FTO: variants seen among roughly 807,000 people sequenced by gnomAD.
FTO encodes the protein FTO alpha-ketoglutarate dependent dioxygenase.
FTO carries 47 observed loss-of-function variants against 63.9 expected under a neutral mutation model. That is an observed-to-expected ratio of 0.74 (90% CI 0.58 to 0.94). The LOEUF (loss-of-function observed/expected upper bound fraction) is 0.94. Among genes scored for constraint, FTO ranks in the 40% least tolerant of loss-of-function variants. FTO has a pLI of 0.00. For missense variants in FTO, 562 were observed against 618.1 expected (o/e 0.91, Z 0.96); for synonymous variants, 207 against 224.4 (o/e 0.92, Z 0.69).
chr16:54,021,311 G>C (rs1394975601), intron 8 of FTO, among the ~76,000 whole-genome samples: 1 of 152,094 alleles, frequency 6.6e-6, no homozygotes, highest in Non-Finnish European at 1.5e-5. Flanking sequence ...AGTAATCCAT[G>C]GATCAACACA....
chr16:53,817,319 A>G (rs1416656696), intron 2 of FTO, among the ~76,000 whole-genome samples: 1 of 152,166 alleles, frequency 6.6e-6, no homozygotes, highest in African/African-American at 2.4e-5. Context: ...CTGGAGCTCT[A>G]GTTTGCATCA....
At chr16:54,084,220 C>A (rs62034121) in intron 8 of FTO, among the ~76,000 whole-genome samples, 27,978 of 152,068 alleles carry the variant, frequency 0.18, 2,801 homozygotes, top group East Asian at 0.35. Context: ...CTTCAGTTTC[C>A]TCATTAGTAA....
chr16:54,073,353 T>G lies in FTO; in HGVS notation c.1365-38409T>G, dbSNP rs2085914371. Among the ~76,000 whole-genome samples the G allele has an allele frequency of 2.0e-5, 3 of 151,992 alleles. No individual in the cohort carries two copies. The South Asian group carries it at 6.2e-4, about 32-fold the overall frequency. On this transcript the variant is annotated intron_variant, in intron 8 of 8. Coordinates refer to ENST00000471389, the MANE Select transcript of FTO (RefSeq NM_001080432.3). ...TTCTCTGACTCTTTAGTAGGCAAAT[T>G]AATTAAGTTTTACTTTTGGAGTGAA...
Position 53,868,836 on chromosome 16 carries a change from C to T in FTO, c.896-4950C>T, listed in dbSNP as rs2080407171. The stretch of plus-strand genomic sequence containing the variant: ...TTTTTAAAAAATCCTTTCTTTCTTT[C>T]TTTTTGTTTTTTTGAGACAGAGTTT... On this transcript the variant is annotated intron_variant, in intron 4 of 8. Transcript: ENST00000471389. 2.0e-5 allele frequency among the ~76,000 whole-genome samples: 3 copies of T among 151,734 alleles called. No individual in the cohort carries two copies. The South Asian group carries it at 6.2e-4, about 32-fold the overall frequency.
intron 7 of FTO, among the ~76,000 whole-genome samples, chr16:53,928,926 C>G (rs1376342148): frequency 6.6e-6 from 1 of 152,080 alleles, no homozygotes; most frequent in African/African-American, 2.4e-5. Context: ...TCACTACAAC[C>G]TATGCCTCCT....
chr16:53,868,133 A>G (rs945466309), intron 4 of FTO, among the ~76,000 whole-genome samples: 1 of 152,044 alleles, frequency 6.6e-6, no homozygotes, highest in African/African-American at 2.4e-5. Flanking sequence ...TTTTTTATCT[A>G]TTCTGATAAT....
chr16:53,722,552 G>A (rs2076064084), intron 1 of FTO, among the ~76,000 whole-genome samples: 1 of 151,406 alleles, frequency 6.6e-6, no homozygotes, highest in African/African-American at 2.4e-5. Context: ...GTGTAGGCTA[G>A]GTGTGGTGAC....
intron 8 of FTO, among the ~76,000 whole-genome samples, chr16:54,035,691 C>T: frequency 6.6e-6 from 1 of 152,158 alleles, no homozygotes; most frequent in East Asian, 1.9e-4. Context: ...ACAAAGCAGC[C>T]TCCTCCGCCA....
chr16:53,838,851 AAG>A (rs2079383178), intron 3 of FTO, among the ~76,000 whole-genome samples: 2 of 152,068 alleles, frequency 1.3e-5, no homozygotes, highest in African/African-American at 2.4e-5. Flanking sequence ...AAAAGAAAGA[AAG>A]AGGGCTATTT....
At chr16:53,835,728 TTTC>T (rs1196449983) in intron 3 of FTO, among the ~76,000 whole-genome samples, 1 of 152,170 alleles carries the variant, frequency 6.6e-6, no homozygotes, top group East Asian at 1.9e-4. Context: ...TTGTTAGTTA[TTTC>T]TTCCTCTCCA....
chr16:53,889,831 GTAA>G (rs57060021), intron 7 of FTO, among the ~76,000 whole-genome samples: 10,160 of 151,700 alleles, frequency 0.067, 1,044 homozygotes, highest in African/African-American at 0.23. Flanking sequence ...TTAAATAATA[GTAA>G]TAATAATAAT....
chr16:54,093,735 G>A (rs1411816752), intron 8 of FTO, among the ~76,000 whole-genome samples: 2 of 152,290 alleles, frequency 1.3e-5, no homozygotes, highest in East Asian at 1.9e-4. Context: ...TCTGGGATCC[G>A]CAGTGAGGGC....
chr16:53,942,757 A>G (rs1241416626), intron 8 of FTO, among the ~76,000 whole-genome samples: 2 of 152,226 alleles, frequency 1.3e-5, no homozygotes, highest in Non-Finnish European at 2.9e-5. Context: ...GCTGTGGGAT[A>G]ATGAGACTGA....
At chr16:53,975,502 C>T (rs1162708363) in intron 8 of FTO, among the ~76,000 whole-genome samples, 2 of 151,948 alleles carry the variant, frequency 1.3e-5, no homozygotes, top group Non-Finnish European at 2.9e-5. Context: ...AAGCATATCT[C>T]ACATTTTACT....
intron 1 of FTO, among the ~76,000 whole-genome samples, chr16:53,718,815 T>C (rs1383078291): frequency 6.6e-6 from 1 of 152,204 alleles, no homozygotes; most frequent in Non-Finnish European, 1.5e-5. Context: ...TTATATTATA[T>C]AGGTCTTTTA....
At chr16:54,065,154 A>ATTTTAT (rs376065950) in intron 8 of FTO, among the ~76,000 whole-genome samples, 1 of 136,816 alleles carries the variant, frequency 7.3e-6, no homozygotes, top group Non-Finnish European at 1.6e-5. Context: ...ATTTTATTTT[A>ATTTTAT]TTTATTAATG....
intron 4 of FTO, among the ~76,000 whole-genome samples, chr16:53,858,043 A>G (rs540512918): frequency 1.3e-5 from 2 of 152,318 alleles, no homozygotes; most frequent in Admixed American, 1.3e-4. Context: ...TTAATTTTAT[A>G]TAAACAAAGG....
At position 53,732,208 on chromosome 16, in the gene FTO, C is replaced by T. The variant is rs532139319; in HGVS notation, c.45+27979C>T. Among the ~76,000 whole-genome samples the T allele has an allele frequency of 1.4e-3, 208 of 151,990 alleles. 3 individuals are homozygous for T. Among genetic ancestry groups the T allele is most frequent in the South Asian group, 1.3e-3 (6 of 4,794 alleles). The stretch of plus-strand genomic sequence containing the variant: ...GGACTACAGGCGCCCGCCACCACGC[C>T]CGGCTAATTTCTTTTTGTATTTTTA... On this transcript the variant is annotated intron_variant, in intron 1 of 8. Coordinates refer to ENST00000471389, the MANE Select transcript of FTO (RefSeq NM_001080432.3).
chr16:53,742,598 G>A (rs1265208708), intron 1 of FTO, among the ~76,000 whole-genome samples: 1 of 152,112 alleles, frequency 6.6e-6, no homozygotes, highest in Non-Finnish European at 1.5e-5. Context: ...ATATAGCTTT[G>A]TAAATTAGCT....
Sources: allele counts gnomAD v4.1 joint callset (sites outside exome capture counted in the v4.1 genomes callset), GRCh38; gene constraint gnomAD v4.1.1; transcripts MANE v1.5; gene names NCBI Gene and HGNC (gene_info 2026-07-23, HGNC 2026-07-21).